Variants in DLG2 observed in about 807,000 individuals in gnomAD.
The protein encoded by DLG2 is discs large MAGUK scaffold protein 2.
Under a neutral mutation model 132.5 loss-of-function variants are expected in DLG2, and 45 were observed. That is an observed-to-expected ratio of 0.34 (90% CI 0.27 to 0.44). The LOEUF is 0.44. DLG2 is among the 20% of genes least tolerant of loss of function. The pLI is 1.00. For missense variants in DLG2, 1,045 were observed against 1,196.9 expected, an observed-to-expected ratio of 0.87 and a Z score of 1.87; for synonymous variants, 424 against 419.6, an observed-to-expected ratio of 1.01 and a Z score of -0.13.
chr11:83,664,889 T>C (rs1447748687), intron 18 of DLG2, among the ~76,000 whole-genome samples: 1 of 152,246 alleles, frequency 6.6e-6, no homozygotes, highest in African/African-American at 2.4e-5. Flanking sequence ...GAAGACACTA[T>C]GAGTTTTTTC....
At chr11:85,375,888 C>A (rs1300371102) in intron 3 of DLG2, among the ~76,000 whole-genome samples, 2 of 152,018 alleles carry the variant, frequency 1.3e-5, no homozygotes, top group African/African-American at 2.4e-5. Context: ...TGACTCTCCC[C>A]AAGATAAGAT....
intron 3 of DLG2, among the ~76,000 whole-genome samples, chr11:85,310,180 A>G (rs1187986669): frequency 6.6e-6 from 1 of 152,182 alleles, no homozygotes; most frequent in African/African-American, 2.4e-5. Context: ...AAAATAATCC[A>G]TCAAACTGCC....
chr11:83,483,228 A>G (rs1233484911), intron 22 of DLG2: 1 of 1,604,150 alleles, frequency 6.2e-7, no homozygotes, highest in Non-Finnish European at 8.5e-7. Flanking sequence ...AAGAAAAGTT[A>G]CAGTGACCAT....
chr11:85,168,184 C>G (rs2078596487), intron 4 of DLG2, among the ~76,000 whole-genome samples: 1 of 151,912 alleles, frequency 6.6e-6, no homozygotes, highest in Non-Finnish European at 1.5e-5. Context: ...AAGACAGTGT[C>G]CAAAAAGAAT....
chr11:84,095,779 T>C (rs1434109242), intron 10 of DLG2, among the ~76,000 whole-genome samples: 2 of 152,186 alleles, frequency 1.3e-5, no homozygotes, highest in African/African-American at 2.4e-5. Context: ...TGTCTTCACA[T>C]AGGCAAAGGC....
chr11:85,523,037 C>T (rs193141208), intron 3 of DLG2, among the ~76,000 whole-genome samples: 7 of 152,204 alleles, frequency 4.6e-5, no homozygotes, highest in African/African-American at 1.4e-4. Flanking sequence ...CTTTGTGTCC[C>T]CACCCAAATG....
chr11:85,338,701 ATTTTTT>A (rs35378658), intron 3 of DLG2, among the ~76,000 whole-genome samples: 2 of 83,558 alleles, frequency 2.4e-5, no homozygotes, highest in Non-Finnish European at 2.4e-5. Flanking sequence ...TGTATAAATA[ATTTTTT>A]TTTTTTTTTT....
In DLG2 at chr11:83,589,517, A is replaced by T. The variant is rs1407923124; in HGVS notation, c.1940+43694T>A. Among the ~76,000 whole-genome samples the T allele has an allele frequency of 2.9e-4, 44 of 152,100 alleles. No homozygotes were observed. The South Asian group carries it at 5.4e-3, about 19-fold the overall frequency. On this transcript the variant is annotated intron_variant, in intron 19 of 27. Transcript: ENST00000376104. Reference sequence around the variant, plus strand: ...ACTAAACATGGAAAGGAACAACCGGAACCAGCCACTGCAAAATCATGCCAA... The same window carrying T: ...ACTAAACATGGAAAGGAACAACCGGTACCAGCCACTGCAAAATCATGCCAA...
chr11:83,948,900 T>A (rs566398819), intron 14 of DLG2, among the ~76,000 whole-genome samples: 2 of 152,318 alleles, frequency 1.3e-5, no homozygotes, highest in African/African-American at 4.8e-5. Context: ...CAAATACTTA[T>A]CTTTTCACTA....
At position 84,703,883 on chromosome 11, in the gene DLG2, T is replaced by TATATAC. The variant is rs1555174924; in HGVS notation, c.358-169153_358-169152insGTATAT. Reference sequence around the variant, plus strand: ...ATATATATATATATATATATATATATACACGTGTGTGTGTGTGTGTGTGTG... The same window carrying TATATAC: ...ATATATATATATATATATATATATATATATACACACGTGTGTGTGTGTGTGTGTGTG... On this transcript the variant is annotated intron_variant, in intron 6 of 27. Coordinates refer to ENST00000376104, the MANE Select transcript of DLG2 (RefSeq NM_001142699.3). Among the ~76,000 whole-genome samples, 14 of 119,924 alleles carry TATATAC rather than the reference T, an allele frequency of 1.2e-4. 1 individual carries two copies. Among genetic ancestry groups the TATATAC allele is most frequent in the Admixed American group, 1.1e-3 (14 of 12,358 alleles). The allele number at this position is 119,924 out of a possible 152,430, so 78.7% of individuals were successfully genotyped here.
At chr11:84,258,146 T>C (rs1424575947) in intron 7 of DLG2, among the ~76,000 whole-genome samples, 1 of 152,194 alleles carries the variant, frequency 6.6e-6, no homozygotes, top group Non-Finnish European at 1.5e-5. Flanking sequence ...GTAGGAGGCA[T>C]GCCTAGGAAA....
At chr11:85,182,491 A>G (rs1183359569) in intron 4 of DLG2, among the ~76,000 whole-genome samples, 1 of 151,924 alleles carries the variant, frequency 6.6e-6, no homozygotes, top group African/African-American at 2.4e-5. Context: ...ATTTTTATTT[A>G]AGAAACACAA....
chr11:84,466,947 CAAT>C (rs2099096046), intron 7 of DLG2, among the ~76,000 whole-genome samples: 1 of 151,072 alleles, frequency 6.6e-6, no homozygotes, highest in Non-Finnish European at 1.5e-5. Flanking sequence ...GAACATTATG[CAAT>C]ATTAGATTTG....
chr11:83,705,218 T>C (rs1307112578), intron 18 of DLG2, among the ~76,000 whole-genome samples: 1 of 152,212 alleles, frequency 6.6e-6, no homozygotes, highest in Non-Finnish European at 1.5e-5. Context: ...TAAACTTCTT[T>C]TCTCCAGGCT....
intron 17 of DLG2, among the ~76,000 whole-genome samples, chr11:83,805,400 G>T (rs1169937720): frequency 2.0e-5 from 3 of 151,012 alleles, no homozygotes; most frequent in Non-Finnish European, 4.4e-5. Flanking sequence ...ATTTATTTTT[G>T]ATATATCATG....
chr11:84,567,171 G>A (rs185681954), intron 6 of DLG2, among the ~76,000 whole-genome samples: 272 of 151,370 alleles, frequency 1.8e-3, no homozygotes, highest in African/African-American at 6.5e-3. Context: ...AAGCGTTATT[G>A]AAAGAATAGA....
At chr11:83,947,949 A>G (rs76551458) in intron 14 of DLG2, among the ~76,000 whole-genome samples, 11,665 of 152,238 alleles carry the variant, frequency 0.077, 610 homozygotes, top group Non-Finnish European at 0.12. Context: ...CTCTCCGTCC[A>G]TTTTGTATAA....
At chr11:84,611,343 C>T (rs547843828) in intron 6 of DLG2, among the ~76,000 whole-genome samples, 4 of 152,122 alleles carry the variant, frequency 2.6e-5, no homozygotes, top group African/African-American at 9.6e-5. Context: ...AGAGAAAACG[C>T]CATTTACTAA....
At chr11:84,525,983 A>C (rs1591564997) in intron 7 of DLG2, among the ~76,000 whole-genome samples, 1 of 151,940 alleles carries the variant, frequency 6.6e-6, no homozygotes, top group Admixed American at 6.6e-5. Flanking sequence ...CTCTGACAAC[A>C]CCCATCCTAA....
Sources: gnomAD v4.1 joint callset for allele counts (sites outside exome capture counted in the v4.1 genomes callset) on GRCh38, gnomAD v4.1.1 for gene constraint, MANE v1.5 for transcripts, NCBI Gene and HGNC (gene_info 2026-07-23, HGNC 2026-07-21) for gene names.